The following FRMD3 variants were observed in gnomAD, a reference collection of about 807,000 sequenced individuals.
The protein encoded by FRMD3 is FERM domain containing 3.
FRMD3 carries 33 observed loss-of-function variants against 70.2 expected under a neutral mutation model. The observed-to-expected ratio is 0.47, with a 90% CI of 0.36 to 0.63. FRMD3 has a LOEUF of 0.63. FRMD3 is among the 20% of genes least tolerant of loss of function. FRMD3 has a pLI of 0.00. For synonymous variants in FRMD3, 279 were observed against 255.9 expected, an observed-to-expected ratio of 1.09 and a Z score of -0.86; for missense variants, 632 against 711.4, an observed-to-expected ratio of 0.89 and a Z score of 1.27.
chr9:83,437,214 T>C (rs1050085283), intron 1 of FRMD3, among the ~76,000 whole-genome samples: 1 of 152,184 alleles, frequency 6.6e-6, no homozygotes, highest in African/African-American at 2.4e-5. Context: ...GATGCTAACT[T>C]GTAAAAGATT....
chr9:83,441,703 A>T (rs1463457018), intron 1 of FRMD3, among the ~76,000 whole-genome samples: 1 of 152,178 alleles, frequency 6.6e-6, no homozygotes, highest in East Asian at 1.9e-4. Flanking sequence ...CCAAGCATGA[A>T]ATTCATTGCC....
chr9:83,498,819 A>G (rs1829000884), intron 1 of FRMD3, among the ~76,000 whole-genome samples: 1 of 152,162 alleles, frequency 6.6e-6, no homozygotes, highest in South Asian at 2.1e-4. Flanking sequence ...AAGACCTTCC[A>G]TCCTCTTTCC....
rs879455912 is a variant in FRMD3, at chr9:83,404,371, CT to C, written c.148-14664del. 3.0e-4 allele frequency among the ~76,000 whole-genome samples: 45 copies of C among 152,106 alleles called. 1 individual carries two copies. The highest frequency in any genetic ancestry group is 8.5e-4 in the Admixed American group (13 of 15,280). Reference sequence around the variant, plus strand: ...GCTTTCTTCTTTAAGCATCCTCTGCCTTTTTTTTAACTCTTTGAGGCAGACA... The same window carrying C: ...GCTTTCTTCTTTAAGCATCCTCTGCCTTTTTTTAACTCTTTGAGGCAGACA... On this transcript the variant is annotated intron_variant, in intron 1 of 13. Transcript: ENST00000304195.
intron 13 of FRMD3, among the ~76,000 whole-genome samples, chr9:83,263,770 A>T (rs1833099025): frequency 6.6e-6 from 1 of 152,210 alleles, no homozygotes; most frequent in African/African-American, 2.4e-5. Flanking sequence ...CATACAGAAG[A>T]GACAATATAA....
chr9:83,427,321 C>A (rs1826840171), intron 1 of FRMD3, among the ~76,000 whole-genome samples: 1 of 152,186 alleles, frequency 6.6e-6, no homozygotes, highest in Non-Finnish European at 1.5e-5. Flanking sequence ...CCCTCTGGCC[C>A]TGTCACAATA....
chr9:83,506,609 G>A (rs1192923287), intron 1 of FRMD3, among the ~76,000 whole-genome samples: 1 of 152,186 alleles, frequency 6.6e-6, no homozygotes, highest in South Asian at 2.1e-4. Flanking sequence ...GTTGCTCTGG[G>A]TGAGTGCGTG....
chr9:83,388,293 C>T (rs1587804518), intron 2 of FRMD3, among the ~76,000 whole-genome samples: 1 of 152,116 alleles, frequency 6.6e-6, no homozygotes, highest in African/African-American at 2.4e-5. Context: ...AAACTAAGAG[C>T]CAAGTGAGGT....
At chr9:83,441,758 T>C (rs564318756) in intron 1 of FRMD3, among the ~76,000 whole-genome samples, 3 of 152,216 alleles carry the variant, frequency 2.0e-5, no homozygotes, top group East Asian at 1.9e-4. Context: ...CCTCCCTCGG[T>C]TGTTATCTGC....
rs117612074 is a variant in FRMD3 at position 83,245,722 on chromosome 9, G to T, written c.*2196C>A. 0.01 allele frequency: 9,968 copies of T among 983,670 alleles called. 47 individuals carry two copies. The highest frequency in any genetic ancestry group is 0.011 in the Non-Finnish European group (9,448 of 828,408). The allele number at this position is 983,670 out of a possible 1,614,324, so 60.9% of individuals were successfully genotyped here. ...ATGATTTGTCATAGTCAGAACTTTA[G>T]AGAAAATTATATGACGCATGATCAG... is the stretch of plus-strand genomic sequence containing the variant. On this transcript the variant is annotated 3_prime_UTR_variant, in exon 14 of 14. Coordinates refer to ENST00000304195, the MANE Select transcript of FRMD3 (RefSeq NM_174938.6).
At chr9:83,243,229 T>C, downstream of FRMD3, 1 of 1,550,212 alleles carries the variant, frequency 6.5e-7, no homozygotes, top group Non-Finnish European at 8.7e-7. Context: ...GAAGCCCAGA[T>C]GCAGGTCCAA....
intron 1 of FRMD3, among the ~76,000 whole-genome samples, chr9:83,415,564 T>C (rs1442678870): frequency 6.8e-6 from 1 of 147,138 alleles, no homozygotes; most frequent in East Asian, 2.0e-4. Context: ...TGCTTCAGCC[T>C]CCAGAGTAGC....
At chr9:83,383,514 A>C (rs949585862) in intron 2 of FRMD3, among the ~76,000 whole-genome samples, 1 of 152,206 alleles carries the variant, frequency 6.6e-6, no homozygotes, top group African/African-American at 2.4e-5. Flanking sequence ...GTTAGACTTA[A>C]AGATATTTTT....
At chr9:83,479,361 G>A (rs78894800) in intron 1 of FRMD3, among the ~76,000 whole-genome samples, 4 of 36,212 alleles carry the variant, frequency 1.1e-4, no homozygotes, top group Non-Finnish European at 2.5e-4. Context: ...AGGAGGAGGA[G>A]GAAGAAGAAG....
chr9:83,267,393 C>T (rs1833318295), intron 13 of FRMD3: 5 of 1,029,430 alleles, frequency 4.9e-6, no homozygotes, highest in African/African-American at 1.6e-5. Context: ...CCTACTCTAG[C>T]CTTTCTAAAC....
At chr9:83,577,986 A>G in the FRMD3 span, among the ~76,000 whole-genome samples, 7 of 151,924 alleles carry the variant, frequency 4.6e-5, no homozygotes, top group Non-Finnish European at 1.0e-4. Flanking sequence ...GAAATGAAAG[A>G]GGAAACATTA....
At chr9:83,565,576 T>C in the FRMD3 span, among the ~76,000 whole-genome samples, 2 of 152,164 alleles carry the variant, frequency 1.3e-5, no homozygotes, top group East Asian at 1.9e-4. Context: ...CTGAGACACA[T>C]TTACACCTGC....
intron 3 of FRMD3, among the ~76,000 whole-genome samples, chr9:83,372,448 G>C (rs1259993614): frequency 2.0e-5 from 3 of 151,632 alleles, no homozygotes; most frequent in Non-Finnish European, 4.4e-5. Flanking sequence ...TTTTCATTTT[G>C]GGGAGTTCAA....
intron 6 of FRMD3, among the ~76,000 whole-genome samples, chr9:83,317,185 C>G (rs1030033679): frequency 1.5e-5 from 2 of 133,776 alleles, no homozygotes; most frequent in African/African-American, 2.8e-5. Context: ...TGAGCCGTCT[C>G]TCATGCATAC....
At chr9:83,526,876 TC>T (rs1206811685) in intron 1 of FRMD3, among the ~76,000 whole-genome samples, 1 of 148,748 alleles carries the variant, frequency 6.7e-6, no homozygotes, top group East Asian at 2.2e-4. Context: ...AGAATAAGCT[TC>T]TTTTTTTTTT....
Sources: allele counts gnomAD v4.1 joint callset (sites outside exome capture counted in the v4.1 genomes callset), GRCh38; gene constraint gnomAD v4.1.1; transcripts MANE v1.5; gene names NCBI Gene and HGNC (gene_info 2026-07-23, HGNC 2026-07-21).